NCKAP5: variants seen among roughly 807,000 people sequenced by gnomAD.
NCKAP5 encodes the protein nck-associated protein 5.
Under a neutral mutation model 167.0 loss-of-function variants are expected in NCKAP5, and 92 were observed. The observed-to-expected ratio is 0.55, with a 90% CI of 0.47 to 0.66. The LOEUF is 0.66. NCKAP5 is among the 30% of genes least tolerant of loss of function. The pLI is 0.00. For synonymous variants in NCKAP5, 891 were observed against 877.4 expected (o/e 1.02, Z -0.27); for missense variants, 2,378 against 2,315.0 (o/e 1.03, Z -0.56).
chr2:133,289,784 A>T (rs1679439242), intron 4 of NCKAP5, among the ~76,000 whole-genome samples: 1 of 152,192 alleles, frequency 6.6e-6, no homozygotes, highest in Non-Finnish European at 1.5e-5. Context: ...AAAACATTTT[A>T]TTGATTCACA....
rs180821355 is a variant in NCKAP5 at position 133,531,172 on chromosome 2, G to T, written c.-61-13585C>A. On this transcript the variant is annotated intron_variant, in intron 2 of 19. Coordinates refer to ENST00000409261, the MANE Select transcript of NCKAP5 (RefSeq NM_207363.3). The stretch of plus-strand genomic sequence containing the variant: ...AGGGAGGAATGGTGAAAGGGAATGA[G>T]GAAGGAAGGAAGGAAAGAAGGAAAG... Among the ~76,000 whole-genome samples, 51 of 151,518 alleles carry T rather than the reference G, an allele frequency of 3.4e-4. 1 individual carries two copies. The South Asian group carries it at 5.8e-3, about 17-fold the overall frequency.
At chr2:133,629,093 A>G in the NCKAP5 span, among the ~76,000 whole-genome samples, 15,060 of 152,256 alleles carry the variant, frequency 0.099, 868 homozygotes, top group African/African-American at 0.14. Context: ...ATTTCACGAT[A>G]AAAATATCAA....
chr2:133,224,572 G>A (rs979263992), intron 4 of NCKAP5, among the ~76,000 whole-genome samples: 1 of 151,998 alleles, frequency 6.6e-6, no homozygotes, highest in Non-Finnish European at 1.5e-5. Flanking sequence ...TGTCCTTCTG[G>A]GTTTTCTCCT....
At chr2:133,355,107 C>A (rs1166898195) in intron 3 of NCKAP5, among the ~76,000 whole-genome samples, 1 of 152,124 alleles carries the variant, frequency 6.6e-6, no homozygotes, top group Admixed American at 6.6e-5. Context: ...GATATTTTAT[C>A]CAAATGAAAT....
chr2:133,536,833 T>G (rs952064017), intron 2 of NCKAP5, among the ~76,000 whole-genome samples: 3 of 152,054 alleles, frequency 2.0e-5, no homozygotes, highest in South Asian at 2.1e-4. Flanking sequence ...AGCTATCTGT[T>G]TTTTTATTGT....
intron 6 of NCKAP5, among the ~76,000 whole-genome samples, chr2:133,040,466 C>T (rs1437908): frequency 0.96 from 146,213 of 152,230 alleles, 70,272 homozygotes; most frequent in African/African-American, 0.99. Flanking sequence ...TGACCTTGGG[C>T]ATGTCCTCAG....
intron 3 of NCKAP5, among the ~76,000 whole-genome samples, chr2:133,411,024 T>G (rs551770499): frequency 4.6e-5 from 7 of 152,298 alleles, no homozygotes; most frequent in African/African-American, 1.7e-4. Context: ...CAATCAATAT[T>G]GAGTCTCTTC....
At chr2:133,369,564 T>C (rs1232134273) in intron 3 of NCKAP5, among the ~76,000 whole-genome samples, 1 of 152,268 alleles carries the variant, frequency 6.6e-6, no homozygotes, top group Non-Finnish European at 1.5e-5. Flanking sequence ...ATTTGCAATG[T>C]GGCTTGATTC....
At chr2:133,645,557 A>AAG in the NCKAP5 span, among the ~76,000 whole-genome samples, 1 of 152,196 alleles carries the variant, frequency 6.6e-6, no homozygotes, top group Non-Finnish European at 1.5e-5. Context: ...ATTATCTAAA[A>AAG]CAAAAAATCA....
At chr2:133,156,352 T>C (rs1295411238) in intron 5 of NCKAP5, among the ~76,000 whole-genome samples, 1 of 152,208 alleles carries the variant, frequency 6.6e-6, no homozygotes, top group African/African-American at 2.4e-5. Flanking sequence ...TTCCGGGTTT[T>C]CTATGATTCT....
chr2:132,702,241 C>G (rs1267099626), intron 19 of NCKAP5, among the ~76,000 whole-genome samples: 1 of 152,108 alleles, frequency 6.6e-6, no homozygotes, highest in Non-Finnish European at 1.5e-5. Context: ...CCACTGAGCT[C>G]CCGTCCACTG....
intron 6 of NCKAP5, among the ~76,000 whole-genome samples, chr2:133,044,105 G>A (rs1042208807): frequency 3.9e-5 from 6 of 152,032 alleles, no homozygotes; most frequent in African/African-American, 1.4e-4. Flanking sequence ...CCAGTAAATG[G>A]GGCTGGTAAA....
intron 4 of NCKAP5, among the ~76,000 whole-genome samples, chr2:133,252,020 T>C (rs908118676): frequency 2.0e-5 from 3 of 152,192 alleles, no homozygotes; most frequent in African/African-American, 7.2e-5. Flanking sequence ...TTTTAATTTC[T>C]TTAGGAAAAA....
At chr2:133,030,534 G>A (rs996045068) in intron 6 of NCKAP5, among the ~76,000 whole-genome samples, 2 of 152,170 alleles carry the variant, frequency 1.3e-5, no homozygotes, top group Non-Finnish European at 2.9e-5. Flanking sequence ...CAGGATGAAA[G>A]CTTCACCTCT....
intron 16 of NCKAP5, among the ~76,000 whole-genome samples, chr2:132,772,103 T>C (rs1682126129): frequency 6.6e-6 from 1 of 152,122 alleles, no homozygotes; most frequent in East Asian, 1.9e-4. Context: ...TAACATGCTG[T>C]ACAGGCTCGT....
chr2:133,479,961 C>T (rs1459888400), intron 3 of NCKAP5, among the ~76,000 whole-genome samples: 1 of 149,042 alleles, frequency 6.7e-6, no homozygotes, highest in African/African-American at 2.5e-5. Flanking sequence ...AGACAGAGTC[C>T]CACTCTGTCA....
chr2:132,874,358 T>G (rs2148790309), intron 9 of NCKAP5, among the ~76,000 whole-genome samples: 1 of 152,276 alleles, frequency 6.6e-6, no homozygotes, highest in Admixed American at 6.5e-5. Context: ...TCCACCCGCC[T>G]TGGCCTCCCA....
chr2:132,890,823 C>T (rs1692639851), intron 8 of NCKAP5, among the ~76,000 whole-genome samples: 1 of 152,176 alleles, frequency 6.6e-6, no homozygotes, highest in African/African-American at 2.4e-5. Flanking sequence ...CAGACCCAGA[C>T]AATGTCTAGG....
chr2:133,278,600 A>C (rs2150449483), intron 4 of NCKAP5, among the ~76,000 whole-genome samples: 1 of 152,272 alleles, frequency 6.6e-6, no homozygotes, highest in African/African-American at 2.4e-5. Context: ...CATTTTTAAA[A>C]ATTCTAAGCA....
Sources: gnomAD v4.1 joint callset for allele counts (sites outside exome capture counted in the v4.1 genomes callset) on GRCh38, gnomAD v4.1.1 for gene constraint, MANE v1.5 for transcripts, NCBI Gene and HGNC (gene_info 2026-07-23, HGNC 2026-07-21) for gene names.